PDS5A: variants seen among roughly 807,000 people sequenced by gnomAD.
The protein encoded by PDS5A is sister chromatid cohesion protein PDS5 homolog A.
In PDS5A, 42 loss-of-function variants were observed where a neutral mutation model predicts 167.1. The ratio of observed to expected loss-of-function variants is 0.25; its 90% CI spans 0.20 to 0.33. The LOEUF is 0.33. PDS5A is among the 10% of genes least tolerant of loss of function. The pLI is 1.00. For missense variants in PDS5A, 1,033 were observed against 1,605.9 expected, an observed-to-expected ratio of 0.64 and a Z score of 6.10; for synonymous variants, 553 against 554.6, an observed-to-expected ratio of 1.00 and a Z score of 0.04.
intron 32 of PDS5A, among the ~76,000 whole-genome samples, chr4:39,836,646 T>C (rs1484985103): frequency 2.9e-5 from 4 of 139,034 alleles, no homozygotes; most frequent in Non-Finnish European, 6.1e-5. Flanking sequence ...GTATTTTTAG[T>C]AGAGATGGGG....
intron 16 of PDS5A, among the ~76,000 whole-genome samples, chr4:39,891,159 T>C (rs1350685581): frequency 1.3e-5 from 2 of 151,492 alleles, no homozygotes; most frequent in East Asian, 2.0e-4. Flanking sequence ...TCAGCCTCCA[T>C]AGCAGCTGGG....
At chr4:39,858,322 A>G (rs1435644945) in intron 26 of PDS5A, among the ~76,000 whole-genome samples, 1 of 152,244 alleles carries the variant, frequency 6.6e-6, no homozygotes, top group East Asian at 1.9e-4. Context: ...AACTTATTAT[A>G]AAGTTACAGT....
chr4:39,954,364 A>G (rs185160160), intron 2 of PDS5A, among the ~76,000 whole-genome samples: 18 of 152,078 alleles, frequency 1.2e-4, no homozygotes, highest in African/African-American at 4.1e-4. Context: ...TGTCTCTTAA[A>G]AAAACAAAAC....
chr4:39,950,789 T>C (rs1206078783), intron 2 of PDS5A, among the ~76,000 whole-genome samples: 2 of 152,016 alleles, frequency 1.3e-5, no homozygotes, highest in Non-Finnish European at 2.9e-5. Context: ...GGTTTCGCCA[T>C]GTTGGCCAGG....
intron 5 of PDS5A, among the ~76,000 whole-genome samples, chr4:39,923,799 C>G (rs1010851971): frequency 1.3e-5 from 2 of 151,944 alleles, no homozygotes; most frequent in African/African-American, 4.8e-5. Context: ...ACTCCCACAC[C>G]TTAAGTCTTA....
chr4:39,861,870 T>C (rs950155558), intron 26 of PDS5A, among the ~76,000 whole-genome samples: 3 of 152,206 alleles, frequency 2.0e-5, no homozygotes, highest in African/African-American at 7.2e-5. Flanking sequence ...GCTCCACTGT[T>C]TTCAGTTCCA....
chr4:39,918,356 A>AT (rs11434177), intron 7 of PDS5A, among the ~76,000 whole-genome samples: 10,766 of 150,640 alleles, frequency 0.071, 473 homozygotes, highest in Non-Finnish European at 0.1. Context: ...ACAAAAGCTG[A>AT]TTTTTTTTTT....
chr4:39,914,543 A>AAT (rs1724184959), intron 8 of PDS5A, among the ~76,000 whole-genome samples: 1 of 152,310 alleles, frequency 6.6e-6, no homozygotes, highest in Non-Finnish European at 1.5e-5. Context: ...AACTCATTTT[A>AAT]ATAGCAATGC....
chr4:39,927,827 A>C, intron 3 of PDS5A, 134 bp downstream of exon 3: 1 of 652,198 alleles, frequency 1.5e-6, no homozygotes, highest in Non-Finnish European at 2.6e-6. Flanking sequence ...TAATTTTGCA[A>C]CTTACAATAT....
rs562774932 is a variant in PDS5A, at chr4:39,946,344, T to C, written c.139-18180A>G. 1.0e-3 allele frequency among the ~76,000 whole-genome samples: 154 copies of C among 151,478 alleles called. No homozygotes were observed. In the Middle Eastern group the frequency reaches 0.01, roughly 10 times the overall value. On this transcript the variant is annotated intron_variant, in intron 2 of 32. Transcript: ENST00000303538. ...AGTTTAGAGGAAAATCAACAGTAAG[T>C]ATAGGGAAATTCCCCTACAGGCACG...
At chr4:39,887,879 TAACAAAACAAAACAA>T (rs71645196) in intron 17 of PDS5A, among the ~76,000 whole-genome samples, 2 of 150,730 alleles carry the variant, frequency 1.3e-5, no homozygotes, top group Middle Eastern at 3.4e-3. Context: ...AATAGCAAAA[TAACAAAACAAAACAA>T]AACAAAACAA....
chr4:39,973,847 C>T (rs1306375299), intron 2 of PDS5A: 3 of 965,054 alleles, frequency 3.1e-6, no homozygotes, highest in Non-Finnish European at 1.7e-6. Context: ...GCTGCAAGAC[C>T]GGGCGCGGTG....
intron 2 of PDS5A, among the ~76,000 whole-genome samples, chr4:39,929,606 C>CGTGTGT (rs58333282): frequency 9.9e-5 from 13 of 130,828 alleles, no homozygotes; most frequent in African/African-American, 3.1e-4. Context: ...CCTATTGGGG[C>CGTGTGT]GTGTGTGTGT....
intron 26 of PDS5A, among the ~76,000 whole-genome samples, chr4:39,861,676 T>C (rs1051887368): frequency 6.6e-6 from 1 of 152,182 alleles, no homozygotes; most frequent in Non-Finnish European, 1.5e-5. Flanking sequence ...TCATTGCAGC[T>C]CCAATTGCCT....
At chr4:39,872,260 T>A (rs1720107450) in intron 21 of PDS5A, among the ~76,000 whole-genome samples, 2 of 143,940 alleles carry the variant, frequency 1.4e-5, no homozygotes, top group African/African-American at 5.2e-5. Flanking sequence ...CACTGCAACC[T>A]CTGCCTTCTG....
rs1722232975 is a variant in PDS5A at position 39,894,538 on chromosome 4, T to C, written c.1770+3851A>G. Reference sequence around the variant, plus strand: ...CAAGCCCACTCTTCTCTTCCCTAAATTGGTTTTCCTCCCCATGTCCTCCTA... The same window carrying C: ...CAAGCCCACTCTTCTCTTCCCTAAACTGGTTTTCCTCCCCATGTCCTCCTA... On this transcript the variant is annotated intron_variant, in intron 16 of 32. Transcript: ENST00000303538. Among the ~76,000 whole-genome samples the C allele has an allele frequency of 2.0e-5, 3 of 152,322 alleles. No homozygotes were observed. In the South Asian group the frequency reaches 6.2e-4, roughly 32 times the overall value.
chr4:39,871,558 TGA>T (rs555388919), intron 21 of PDS5A, among the ~76,000 whole-genome samples: 183 of 152,310 alleles, frequency 1.2e-3, no homozygotes, highest in Middle Eastern at 3.4e-3. Context: ...CCGAAACATG[TGA>T]GAGTTAGGAA....
chr4:39,849,464 G>T (rs569426630), intron 27 of PDS5A, 56 bp downstream of exon 27: 3 of 1,012,880 alleles, frequency 3.0e-6, no homozygotes, highest in Non-Finnish European at 2.9e-6. Context: ...AAACCAAGTG[G>T]GACAATATAT....
intron 27 of PDS5A, 38 bp from the exon 28 acceptor site, chr4:39,849,008 T>G: frequency 7.3e-7 from 1 of 1,375,692 alleles, no homozygotes; most frequent in Non-Finnish European, 1.0e-6. Context: ...CTTTTAGTAT[T>G]GCAAAATAAT....
Sources: gnomAD v4.1 joint callset for allele counts (sites outside exome capture counted in the v4.1 genomes callset) on GRCh38, gnomAD v4.1.1 for gene constraint, MANE v1.5 for transcripts, NCBI Gene and HGNC (gene_info 2026-07-23, HGNC 2026-07-21) for gene names.